ATF7IP2: variants seen among roughly 807,000 people sequenced by gnomAD.
ATF7IP2 encodes activating transcription factor 7 interacting protein 2.
ATF7IP2 carries 42 observed loss-of-function variants against 64.2 expected under a neutral mutation model. The ratio of observed to expected loss-of-function variants is 0.65; its 90% CI spans 0.51 to 0.85. The LOEUF (loss-of-function observed/expected upper bound fraction) is 0.85, where lower values mean the gene tolerates loss of function less well. ATF7IP2 is among the 40% of genes least tolerant of loss of function. The pLI is 0.00. For missense variants in ATF7IP2, 933 were observed against 784.2 expected (o/e 1.19, Z -2.27); for synonymous variants, 308 against 272.8 (o/e 1.13, Z -1.27).
chr16:10,480,347 C>T (rs944645190), intron 12 of ATF7IP2, among the ~76,000 whole-genome samples: 4 of 151,816 alleles, frequency 2.6e-5, no homozygotes, highest in East Asian at 1.9e-4. Flanking sequence ...CCACATTTTT[C>T]GTGTTCCCTT....
chr16:10,412,277 T>G (rs1288212636), intron 1 of ATF7IP2, among the ~76,000 whole-genome samples: 21 of 152,102 alleles, frequency 1.4e-4, no homozygotes, highest in Non-Finnish European at 1.5e-4. Flanking sequence ...AGATTGTCTG[T>G]TTGTGCTCTT....
At chr16:10,401,960 C>G (rs1173164086) in intron 1 of ATF7IP2, among the ~76,000 whole-genome samples, 1 of 151,836 alleles carries the variant, frequency 6.6e-6, no homozygotes, top group Non-Finnish European at 1.5e-5. Context: ...GTAAGGTGTC[C>G]TTCTTAATTT....
intron 12 of ATF7IP2, among the ~76,000 whole-genome samples, chr16:10,479,194 A>G (rs1400250856): frequency 1.3e-5 from 2 of 150,234 alleles, no homozygotes; most frequent in Admixed American, 6.6e-5. Flanking sequence ...ATAAAGACAC[A>G]TGCACACGTA....
At chr16:10,456,255 T>TA (rs1466371308) in intron 8 of ATF7IP2, among the ~76,000 whole-genome samples, 10 of 152,226 alleles carry the variant, frequency 6.6e-5, no homozygotes, top group African/African-American at 2.4e-4. Flanking sequence ...AACCAGGACT[T>TA]AATGATTTAG....
At chr16:10,439,049 C>CA (rs755392953) in intron 7 of ATF7IP2, among the ~76,000 whole-genome samples, 3,854 of 102,400 alleles carry the variant, frequency 0.038, 216 homozygotes, top group African/African-American at 0.067. Flanking sequence ...GACTCCATCT[C>CA]AAAAAAAAAA....
intron 12 of ATF7IP2, 104 bp downstream of exon 12, chr16:10,474,093 C>G (rs1333870995): frequency 1.6e-5 from 12 of 735,800 alleles, no homozygotes; most frequent in Non-Finnish European, 2.7e-5. Context: ...TGTGAGTGTG[C>G]CTATGTTTAT....
At chr16:10,397,465 A>G (rs760951887) in intron 1 of ATF7IP2, among the ~76,000 whole-genome samples, 5 of 152,218 alleles carry the variant, frequency 3.3e-5, no homozygotes, top group Admixed American at 6.5e-5. Context: ...CAAAATATAT[A>G]AGGAACTCAA....
At chr16:10,409,833 G>T (rs1447676992) in intron 1 of ATF7IP2, among the ~76,000 whole-genome samples, 1 of 152,202 alleles carries the variant, frequency 6.6e-6, no homozygotes, top group Non-Finnish European at 1.5e-5. Flanking sequence ...GTTGAATAGA[G>T]TGCCCTTTCC....
At chr16:10,410,211 A>G (rs964957360) in intron 1 of ATF7IP2, among the ~76,000 whole-genome samples, 9 of 152,018 alleles carry the variant, frequency 5.9e-5, no homozygotes, top group African/African-American at 1.9e-4. Flanking sequence ...TGAGCACGGG[A>G]TGTGTTTTCA....
intron 12 of ATF7IP2, among the ~76,000 whole-genome samples, chr16:10,474,540 G>C (rs1041258302): frequency 1.8e-4 from 27 of 152,088 alleles, no homozygotes; most frequent in Admixed American, 1.8e-3. Context: ...GGTATAACAT[G>C]AAAATGTAGA....
chr16:10,457,536 G>C lies in ATF7IP2; in HGVS notation c.1352+7G>C. 6.5e-7 allele frequency: 1 copy of C among 1,539,912 alleles called. No homozygotes were observed. Among genetic ancestry groups the C allele is most frequent in the Non-Finnish European group, 8.7e-7 (1 of 1,148,516 alleles). On this transcript the variant is annotated splice_region_variant and intron_variant, in intron 9 of 13. Coordinates refer to ENST00000562102, the MANE Select transcript of ATF7IP2 (RefSeq NM_001393719.1). ...ATAAGTCTGTTTCTGAAAGGTAGGT[G>C]TTTCTGCAAAAATGCATAAATTTAT...
At chr16:10,402,032 T>G (rs1408866004) in intron 1 of ATF7IP2, among the ~76,000 whole-genome samples, 5 of 152,138 alleles carry the variant, frequency 3.3e-5, no homozygotes, top group Admixed American at 6.6e-5. Flanking sequence ...TTTTCCAATT[T>G]TGTTTAAATT....
intron 1 of ATF7IP2, 130 bp from the exon 2 acceptor site, chr16:10,414,444 C>G (rs1458503672): frequency 6.6e-6 from 1 of 151,916 alleles, no homozygotes; most frequent in Non-Finnish European, 1.5e-5. Context: ...TTTATTTATG[C>G]TATCTATTTC....
At chr16:10,408,053 A>G (rs2047679425) in intron 1 of ATF7IP2, among the ~76,000 whole-genome samples, 1 of 152,062 alleles carries the variant, frequency 6.6e-6, no homozygotes, top group Non-Finnish European at 1.5e-5. Context: ...TTGGGACTAC[A>G]GGCATGTGCC....
chr16:10,465,700 C>G (rs1484878870), intron 9 of ATF7IP2, among the ~76,000 whole-genome samples: 1 of 148,730 alleles, frequency 6.7e-6, no homozygotes, highest in Admixed American at 6.8e-5. Flanking sequence ...GATTGCACCA[C>G]TGCACTCCAG....
At chr16:10,399,718 G>T (rs1434532358) in intron 1 of ATF7IP2, among the ~76,000 whole-genome samples, 1 of 152,186 alleles carries the variant, frequency 6.6e-6, no homozygotes, top group African/African-American at 2.4e-5. Flanking sequence ...TTGTAATTCA[G>T]TGAAGAATGA....
intron 10 of ATF7IP2, among the ~76,000 whole-genome samples, chr16:10,473,157 T>C (rs927588595): frequency 6.6e-6 from 1 of 152,218 alleles, no homozygotes; most frequent in African/African-American, 2.4e-5. Flanking sequence ...TGTCAGGCAG[T>C]TGTAGTCTAA....
At chr16:10,429,192 A>G (rs1394365424) in intron 4 of ATF7IP2, among the ~76,000 whole-genome samples, 176 bp downstream of exon 4, 2 of 152,332 alleles carry the variant, frequency 1.3e-5, no homozygotes, top group East Asian at 1.9e-4. Context: ...TGATTTGTTC[A>G]TTTTCTTTGG....
intron 8 of ATF7IP2, among the ~76,000 whole-genome samples, chr16:10,450,361 G>C (rs961510252): frequency 3.3e-5 from 5 of 152,172 alleles, no homozygotes; most frequent in African/African-American, 1.2e-4. Context: ...TTCTAGTCCT[G>C]AGTATCCTTG....
Sources: allele counts gnomAD v4.1 joint callset (sites outside exome capture counted in the v4.1 genomes callset), GRCh38; gene constraint gnomAD v4.1.1; transcripts MANE v1.5; gene names NCBI Gene and HGNC (gene_info 2026-07-23, HGNC 2026-07-21).